Variants in TRPM3 observed in about 807,000 individuals in gnomAD.
The protein encoded by TRPM3 is transient receptor potential cation channel subfamily M member 3.
A neutral mutation model predicts 181.2 loss-of-function variants in TRPM3; 77 were observed. The ratio of observed to expected loss-of-function variants is 0.42; its 90% confidence interval spans 0.35 to 0.51. The LOEUF is 0.51. Ranked by LOEUF, TRPM3 falls within the 20% of genes least tolerant of loss-of-function variation. The pLI is 0.01. For synonymous variants in TRPM3, 745 were observed against 796.4 expected (o/e 0.94, Z 1.09); for missense variants, 1,759 against 2,196.7 (o/e 0.80, Z 3.98).
chr9:70,610,162 C>CACAT (rs2061791415), intron 19 of TRPM3, among the ~76,000 whole-genome samples: 1 of 151,400 alleles, frequency 6.6e-6, no homozygotes, highest in African/African-American at 2.5e-5. Context: ...TGCACACACA[C>CACAT]GCATGCATAC....
At chr9:70,627,881 ATC>A (rs1186107815) in intron 12 of TRPM3, among the ~76,000 whole-genome samples, 3 of 152,106 alleles carry the variant, frequency 2.0e-5, no homozygotes, top group African/African-American at 7.2e-5. Context: ...TTTGAAGATT[ATC>A]TTTATCCATC....
chr9:71,396,837 G>A (rs113733099), intron 1 of TRPM3, among the ~76,000 whole-genome samples: 3,069 of 151,858 alleles, frequency 0.02, 85 homozygotes, highest in African/African-American at 0.068. Flanking sequence ...ATGGTGGCAC[G>A]TGCCTGTAGT....
chr9:70,930,109 T>C (rs1390453686), intron 1 of TRPM3, among the ~76,000 whole-genome samples: 1 of 152,166 alleles, frequency 6.6e-6, no homozygotes, highest in Non-Finnish European at 1.5e-5. Flanking sequence ...CTTTCAGTTT[T>C]TACATCCATC....
chr9:71,267,992 C>T (rs559061191), intron 1 of TRPM3, among the ~76,000 whole-genome samples: 2 of 152,328 alleles, frequency 1.3e-5, no homozygotes, highest in East Asian at 3.9e-4. Flanking sequence ...TTCTTCAAAG[C>T]TGTTACAAGA....
intron 1 of TRPM3, among the ~76,000 whole-genome samples, chr9:71,355,530 C>T (rs1287676444): frequency 6.6e-6 from 1 of 152,112 alleles, no homozygotes; most frequent in East Asian, 1.9e-4. Context: ...ACTTGAAGTC[C>T]AGATCTGTGA....
chr9:70,937,058 G>A (rs1479207036), intron 1 of TRPM3, among the ~76,000 whole-genome samples: 2 of 152,168 alleles, frequency 1.3e-5, no homozygotes, highest in Admixed American at 6.5e-5. Flanking sequence ...AGTGCCATGA[G>A]CTGAAAATAG....
At chr9:70,981,832 T>C (rs970393450) in intron 1 of TRPM3, among the ~76,000 whole-genome samples, 1 of 152,100 alleles carries the variant, frequency 6.6e-6, no homozygotes, top group Non-Finnish European at 1.5e-5. Flanking sequence ...AAGAAAGCAA[T>C]AGAAAAAAAC....
chr9:70,681,044 C>T (rs1193565690), intron 9 of TRPM3, among the ~76,000 whole-genome samples: 1 of 150,420 alleles, frequency 6.6e-6, no homozygotes, highest in African/African-American at 2.5e-5. Flanking sequence ...AATTTTTTTC[C>T]TTCTCCTTCT....
chr9:70,952,814 G>A (rs987518799), intron 1 of TRPM3, among the ~76,000 whole-genome samples: 4 of 152,064 alleles, frequency 2.6e-5, no homozygotes, highest in African/African-American at 7.2e-5. Context: ...AATAATGCAC[G>A]TGAAATATTC....
intron 1 of TRPM3, among the ~76,000 whole-genome samples, chr9:70,990,009 A>G (rs1363789657): frequency 1.3e-5 from 2 of 152,206 alleles, no homozygotes; most frequent in African/African-American, 4.8e-5. Context: ...TGAGAAAGGT[A>G]CTGTAAATTC....
chr9:71,028,568 C>A (rs569701250), intron 1 of TRPM3, among the ~76,000 whole-genome samples: 6 of 150,710 alleles, frequency 4.0e-5, no homozygotes, highest in Non-Finnish European at 7.4e-5. Context: ...TCAAGAGACC[C>A]ATCTTAAATG....
intron 22 of TRPM3, among the ~76,000 whole-genome samples, chr9:70,554,133 G>A (rs959565233): frequency 6.6e-6 from 1 of 152,110 alleles, no homozygotes; most frequent in Non-Finnish European, 1.5e-5. Flanking sequence ...CTGTGTGTGA[G>A]TAATGTGCTA....
At position 70,535,784 on chromosome 9, in the gene TRPM3, C is replaced by G. The variant is rs898162483; in HGVS notation, c.*169G>C. On this transcript the variant is annotated 3_prime_UTR_variant, in exon 26 of 26. Coordinates refer to ENST00000677713, the MANE Select transcript of TRPM3 (RefSeq NM_001366145.2). ...GGCACTGGGTCAGATCAAATGCTTT[C>G]TTGATCTGTGGCCCAGAAGTCACCT... 1 of 1,485,306 alleles carries G rather than the reference C, an allele frequency of 6.7e-7. No homozygotes were observed. The highest frequency in any genetic ancestry group is 1.4e-5 in the African/African-American group (1 of 71,396). The allele number at this position is 1,485,306 out of a possible 1,614,324, so 92.0% of individuals were successfully genotyped here.
intron 10 of TRPM3, among the ~76,000 whole-genome samples, chr9:70,640,256 G>C (rs1023304330): frequency 1.3e-4 from 20 of 152,112 alleles, no homozygotes; most frequent in Admixed American, 2.0e-4. Flanking sequence ...AGTTAATACA[G>C]ATTTGTCTTA....
At chr9:70,582,991 T>C (rs752541164) in intron 22 of TRPM3, among the ~76,000 whole-genome samples, 3 of 152,152 alleles carry the variant, frequency 2.0e-5, no homozygotes, top group Non-Finnish European at 4.4e-5. Flanking sequence ...GTTAAATTAG[T>C]GTGGTGGAAT....
intron 1 of TRPM3, among the ~76,000 whole-genome samples, chr9:71,413,299 G>T (rs144934116): frequency 0.012 from 1,869 of 152,102 alleles, 17 homozygotes; most frequent in Middle Eastern, 0.027. Flanking sequence ...TATTTAGCAT[G>T]AGGAAGTCCT....
chr9:70,911,924 C>G (rs190943626), intron 1 of TRPM3, among the ~76,000 whole-genome samples: 1 of 152,210 alleles, frequency 6.6e-6, no homozygotes, highest in East Asian at 1.9e-4. Flanking sequence ...TGTCCGTTCT[C>G]TCCTTCTGGC....
intron 1 of TRPM3, among the ~76,000 whole-genome samples, chr9:71,318,935 C>T (rs1228882546): frequency 6.8e-6 from 1 of 146,162 alleles, no homozygotes; most frequent in Non-Finnish European, 1.5e-5. Flanking sequence ...CTGCCCCAGT[C>T]CCCAGCTCCA....
At chr9:71,122,046 T>C (rs974519608), upstream of TRPM3, among the ~76,000 whole-genome samples, 1 of 152,144 alleles carries the variant, frequency 6.6e-6, no homozygotes, top group African/African-American at 2.4e-5. Flanking sequence ...ACACACTGGG[T>C]TGTTCCTTTC....
Sources: allele counts gnomAD v4.1 joint callset (sites outside exome capture counted in the v4.1 genomes callset), GRCh38; gene constraint gnomAD v4.1.1; transcripts MANE v1.5; gene names NCBI Gene and HGNC (gene_info 2026-07-23, HGNC 2026-07-21).